Variants in C4orf51 observed in about 807,000 individuals in gnomAD.
C4orf51 encodes chromosome 4 open reading frame 51.
C4orf51 carries 25 observed loss-of-function variants against 25.2 expected under a neutral mutation model. The ratio of observed to expected loss-of-function variants is 0.99; its 90% confidence interval spans 0.72 to 1.39. The LOEUF is 1.39. Among genes scored for constraint, C4orf51 ranks in the 40% most tolerant of loss-of-function variants. The pLI is 0.00. For missense variants in C4orf51, 252 were observed against 239.6 expected (o/e 1.05, Z -0.34); for synonymous variants, 100 against 84.5 (o/e 1.18, Z -1.01).
intron 5 of C4orf51, among the ~76,000 whole-genome samples, chr4:145,732,122 C>A (rs1488225219): frequency 6.6e-6 from 1 of 152,102 alleles, no homozygotes; most frequent in African/African-American, 2.4e-5. Context: ...CTGATGGAAA[C>A]TGGAAAGCAG....
intron 1 of C4orf51, among the ~76,000 whole-genome samples, chr4:145,739,237 T>A (rs1018926573): frequency 2.6e-5 from 4 of 152,362 alleles, no homozygotes; most frequent in Non-Finnish European, 5.9e-5. Context: ...CCAGATGAGT[T>A]GTCATGTATA....
intron 2 of C4orf51, among the ~76,000 whole-genome samples, chr4:145,716,994 T>C (rs761433852): frequency 6.6e-6 from 1 of 152,190 alleles, no homozygotes; most frequent in Non-Finnish European, 1.5e-5. Context: ...AGCCTGTGTT[T>C]GGGAAATTAA....
the C4orf51 span, among the ~76,000 whole-genome samples, chr4:145,781,916 A>C: frequency 4.6e-5 from 7 of 152,214 alleles, no homozygotes; most frequent in African/African-American, 1.7e-4. Flanking sequence ...ATAGATAAGC[A>C]CCTTAATAAT....
At chr4:145,729,442 C>T (rs1350927642) in intron 4 of C4orf51, among the ~76,000 whole-genome samples, 2 of 151,586 alleles carry the variant, frequency 1.3e-5, no homozygotes, top group Non-Finnish European at 2.9e-5. Flanking sequence ...GCTGGGACTA[C>T]CGGCGCCCGC....
At position 145,763,220 on chromosome 4, in the gene C4orf51, C is replaced by T. The variant is rs963674722; in HGVS notation, n.167-7768C>T. ...TTCCATCACAGAAAAGCAATTTAGA[C>T]ATCAGCAGTCTGTTTCATTTTAAGG... is the stretch of plus-strand genomic sequence containing the variant. On this transcript the variant is annotated intron_variant and non_coding_transcript_variant, in intron 1 of 1. Transcript: ENST00000510096. The surrounding 1 kb of genome is among the most constrained non-coding windows in gnomAD (Gnocchi z 4.6). The T allele has an allele frequency of 1.9e-5, 22 of 1,188,016 alleles. 1 individual carries two copies. The highest frequency in any genetic ancestry group is 2.6e-5 in the Non-Finnish European group (22 of 847,048). 73.6% of individuals were successfully genotyped at this position (1,188,016 alleles called of 1,614,324 possible).
At chr4:145,733,068 C>G (rs910060896), downstream of C4orf51, among the ~76,000 whole-genome samples, 12 of 152,132 alleles carry the variant, frequency 7.9e-5, no homozygotes, top group Admixed American at 3.9e-4. Context: ...GGCGGGCTCG[C>G]GAGCTCAGGG....
At chr4:145,764,555 G>A (rs1734994276) in intron 1 of C4orf51, 1 of 178,194 alleles carries the variant, frequency 5.6e-6, no homozygotes, top group Non-Finnish European at 1.2e-5. Flanking sequence ...CAATTTTGGA[G>A]GGTGGGGTGG....
chr4:145,750,807 T>A (rs1417195647), intron 1 of C4orf51, among the ~76,000 whole-genome samples: 1 of 152,152 alleles, frequency 6.6e-6, no homozygotes, highest in African/African-American at 2.4e-5. Flanking sequence ...TTTTTCTAGA[T>A]CTTGTAGGAA....
At chr4:145,773,302 G>A (rs746349672), downstream of C4orf51, among the ~76,000 whole-genome samples, 2 of 152,100 alleles carry the variant, frequency 1.3e-5, no homozygotes, top group African/African-American at 2.4e-5. Flanking sequence ...TTGGCATAAC[G>A]GCTCTCTGCA....
At chr4:145,781,210 A>AAAAAAG in the C4orf51 span, among the ~76,000 whole-genome samples, 1 of 126,354 alleles carries the variant, frequency 7.9e-6, no homozygotes, top group Non-Finnish European at 1.6e-5. Flanking sequence ...AAAAAAAAAA[A>AAAAAAG]AAAAAAAGAA....
the C4orf51 span, among the ~76,000 whole-genome samples, chr4:145,781,147 G>C: frequency 8.0e-6 from 1 of 124,992 alleles, no homozygotes; most frequent in Non-Finnish European, 1.6e-5. Flanking sequence ...AGTGAGCCGA[G>C]ATTGTGCCAC....
In C4orf51 at chr4:145,715,638, G is replaced by A. The variant is rs143229872; in HGVS notation, c.308-11273G>A. 2.7e-3 allele frequency among the ~76,000 whole-genome samples: 406 copies of A among 152,208 alleles called. 2 individuals are homozygous for A. The highest frequency in any genetic ancestry group is 0.024 in the Middle Eastern group (7 of 294). On this transcript the variant is annotated intron_variant, in intron 2 of 5. Coordinates refer to ENST00000438731, the MANE Select transcript of C4orf51 (RefSeq NM_001080531.3). ...CTCCCACTATAGTACTGTCATCCATGGGTGGTTGTCAAAATCAATCCGTCC... is the reference window on the plus strand; with the variant it reads ...CTCCCACTATAGTACTGTCATCCATAGGTGGTTGTCAAAATCAATCCGTCC...
At chr4:145,690,093 G>A (rs1215308473) in intron 1 of C4orf51, among the ~76,000 whole-genome samples, 1 of 152,034 alleles carries the variant, frequency 6.6e-6, no homozygotes, top group Non-Finnish European at 1.5e-5. Context: ...TGTAATCCCA[G>A]CTACTCGGGA....
chr4:145,775,948 T>C (rs758360777), downstream of C4orf51: 4 of 1,614,080 alleles, frequency 2.5e-6, no homozygotes, highest in African/African-American at 5.3e-5. Context: ...GTGGCATTTG[T>C]ATTTTCTTTC....
At position 145,763,371 on chromosome 4, in the gene C4orf51, G is replaced by A. The variant is rs1476411605; in HGVS notation, n.167-7617G>A. On this transcript the variant is annotated intron_variant and non_coding_transcript_variant, in intron 1 of 1. Transcript: ENST00000510096. This position sits in a 1 kb window ranked among gnomAD's most constrained non-coding sequence, Gnocchi z 4.6. ...CAAATTAATTCTCTGATATGGCAAAGGAAACAAAACAAAACAAAACAAAGA... is the reference window on the plus strand; with the variant it reads ...CAAATTAATTCTCTGATATGGCAAAAGAAACAAAACAAAACAAAACAAAGA... Among the ~76,000 whole-genome samples the A allele has an allele frequency of 6.6e-6, 1 of 152,152 alleles. No homozygotes were observed. Among genetic ancestry groups the A allele is most frequent in the Non-Finnish European group, 1.5e-5 (1 of 68,024 alleles).
chr4:145,760,853 G>A, intron 1 of C4orf51: 1 of 1,212,548 alleles, frequency 8.2e-7, no homozygotes, highest in Admixed American at 3.2e-5. Flanking sequence ...ATGCTGGGAG[G>A]CGCAGTCTGA....
At chr4:145,782,409 T>C in the C4orf51 span, among the ~76,000 whole-genome samples, 1 of 152,114 alleles carries the variant, frequency 6.6e-6, no homozygotes, top group Non-Finnish European at 1.5e-5. Flanking sequence ...CTCTCCTGCA[T>C]CTCCTGTGAA....
At chr4:145,733,058 G>T (rs983003415), downstream of C4orf51, among the ~76,000 whole-genome samples, 1 of 152,118 alleles carries the variant, frequency 6.6e-6, no homozygotes, top group Non-Finnish European at 1.5e-5. Flanking sequence ...CCTCAGACGC[G>T]GCGGGCTCGC....
At chr4:145,748,496 T>C (rs1694440435) in intron 1 of C4orf51, among the ~76,000 whole-genome samples, 1 of 152,112 alleles carries the variant, frequency 6.6e-6, no homozygotes, top group African/African-American at 2.4e-5. Flanking sequence ...TACTTGAAGT[T>C]TTTCTTCTTT....
Sources: allele counts gnomAD v4.1 joint callset (sites outside exome capture counted in the v4.1 genomes callset), GRCh38; gene constraint gnomAD v4.1.1; non-coding constraint Gnocchi (gnomAD v3.1); transcripts MANE v1.5; gene names NCBI Gene and HGNC (gene_info 2026-07-23, HGNC 2026-07-21).